Variants in PIBF1 observed in about 807,000 individuals in gnomAD.
PIBF1 encodes the protein progesterone immunomodulatory binding factor 1, also known as progesterone-induced-blocking factor 1.
PIBF1 carries 90 observed loss-of-function variants against 112.5 expected under a neutral mutation model. The observed-to-expected ratio is 0.80, with a 90% confidence interval of 0.67 to 0.95. The LOEUF (loss-of-function observed/expected upper bound fraction) is 0.95. Among genes scored for constraint, PIBF1 ranks in the 40% least tolerant of loss-of-function variants. PIBF1 has a pLI of 0.00. For missense variants in PIBF1, 915 were observed against 852.3 expected, an observed-to-expected ratio of 1.07 and a Z score of -0.92; for synonymous variants, 301 against 288.6, an observed-to-expected ratio of 1.04 and a Z score of -0.44.
chr13:72,802,307 A>T (rs1313813669), intron 5 of PIBF1, among the ~76,000 whole-genome samples: 1 of 152,136 alleles, frequency 6.6e-6, no homozygotes, highest in Non-Finnish European at 1.5e-5. Context: ...GTATTTTAAA[A>T]CCTTCCTGTT....
intron 13 of PIBF1, among the ~76,000 whole-genome samples, chr13:72,925,073 G>A (rs1393386414): frequency 1.3e-5 from 2 of 152,158 alleles, no homozygotes; most frequent in Non-Finnish European, 2.9e-5. Flanking sequence ...AATAAGGTTA[G>A]TTCCAGTGAG....
chr13:72,794,001 C>T (rs1233495298), intron 3 of PIBF1, among the ~76,000 whole-genome samples: 1 of 152,038 alleles, frequency 6.6e-6, no homozygotes, highest in Admixed American at 6.5e-5. Context: ...ATGAATTCCC[C>T]AAGGAGTGCG....
At chr13:72,902,326 C>T (rs983980682) in intron 11 of PIBF1, among the ~76,000 whole-genome samples, 5 of 151,854 alleles carry the variant, frequency 3.3e-5, no homozygotes, top group African/African-American at 1.2e-4. Context: ...TCACAAATTA[C>T]CGCTAAAGAA....
Position 72,827,840 on chromosome 13 carries a change from T to C in PIBF1, c.1023T>C (p.Leu341=). 6.3e-7 allele frequency: 1 copy of C among 1,599,218 alleles called. No individual in the cohort carries two copies. The highest frequency in any genetic ancestry group is 8.5e-7 in the Non-Finnish European group (1 of 1,172,820). The change falls in exon 8 of 18, where the codon CTT becomes CTC. Residue 341 remains leucine (L), a synonymous_variant. Transcript: ENST00000326291. Reference sequence around the variant, plus strand: ...GCTGTGCTCATGAAGAGGATCGCCTTGAAAGACTTCAAGCTCAACTGGAAG... The same window carrying C: ...GCTGTGCTCATGAAGAGGATCGCCTCGAAAGACTTCAAGCTCAACTGGAAG... The part of the protein sequence containing the change: ...SVRCAHEEDR[L]ERLQAQLEES...
At chr13:72,863,186 G>C (rs2038770776) in intron 10 of PIBF1, among the ~76,000 whole-genome samples, 1 of 151,972 alleles carries the variant, frequency 6.6e-6, no homozygotes, top group Admixed American at 6.6e-5. Flanking sequence ...TATAACAAAG[G>C]ACAGACAGCA....
intron 14 of PIBF1, among the ~76,000 whole-genome samples, chr13:72,933,941 T>C (rs562389045): frequency 6.6e-6 from 1 of 152,208 alleles, no homozygotes; most frequent in Non-Finnish European, 1.5e-5. Flanking sequence ...ATGTTAATAA[T>C]GTTTGAAGTT....
chr13:72,991,561 G>A (rs554289357), intron 16 of PIBF1, among the ~76,000 whole-genome samples: 1 of 152,130 alleles, frequency 6.6e-6, no homozygotes, highest in Non-Finnish European at 1.5e-5. Flanking sequence ...AAGCATATCA[G>A]ATTTTATCAG....
intron 9 of PIBF1, among the ~76,000 whole-genome samples, chr13:72,852,815 T>A (rs2038227888): frequency 6.6e-6 from 1 of 152,128 alleles, no homozygotes; most frequent in South Asian, 2.1e-4. Flanking sequence ...TCCAACCCAG[T>A]TTTTCATGAG....
chr13:73,016,366 T>C lies in PIBF1; in HGVS notation c.*447T>C, dbSNP rs757640004. The C allele has an allele frequency of 2.6e-5, 4 of 152,244 alleles. No individual in the cohort carries two copies. Among genetic ancestry groups the C allele is most frequent in the African/African-American group, 9.6e-5 (4 of 41,458 alleles). The allele number at this position is 152,244 out of a possible 1,614,324, so 9.4% of individuals were successfully genotyped here. ...ATACCATGTAGATGGATACAGATTG[T>C]TGACTCTTTTGAAGTTGTTTTTTTC... On this transcript the variant is annotated 3_prime_UTR_variant, in exon 18 of 18. Coordinates refer to ENST00000326291, the MANE Select transcript of PIBF1 (RefSeq NM_006346.4).
At position 72,908,696 on chromosome 13, in the gene PIBF1, AC is replaced by A. The variant is rs555941059; in HGVS notation, c.1639+16del. 177 of 1,596,368 alleles carry A rather than the reference AC, an allele frequency of 1.1e-4. No individual in the cohort carries two copies. In the South Asian group the frequency reaches 1.6e-3, roughly 15 times the overall value. On this transcript the variant is annotated intron_variant, in intron 12 of 17. Coordinates refer to ENST00000326291, the MANE Select transcript of PIBF1 (RefSeq NM_006346.4). ...AACTGCAGAAAGTAAGTCTTCCCCC[AC>A]ACACACATGCACAACTTTTTTTTTT...
At chr13:72,798,271 A>T (rs2035295445) in intron 5 of PIBF1, among the ~76,000 whole-genome samples, 1 of 152,146 alleles carries the variant, frequency 6.6e-6, no homozygotes, top group African/African-American at 2.4e-5. Flanking sequence ...CAATTTTATA[A>T]TCAACTGCTT....
chr13:72,783,050 G>A (rs2034379473), intron 1 of PIBF1, among the ~76,000 whole-genome samples: 1 of 152,034 alleles, frequency 6.6e-6, no homozygotes, highest in African/African-American at 2.4e-5. Context: ...GATTCTAAGT[G>A]CTACCTCTGT....
chr13:72,846,588 A>G (rs1275772201), intron 9 of PIBF1, among the ~76,000 whole-genome samples: 3 of 152,024 alleles, frequency 2.0e-5, no homozygotes, highest in Non-Finnish European at 2.9e-5. Context: ...TCCTATCCTC[A>G]TTTAGGATTT....
At position 72,901,220 on chromosome 13, in the gene PIBF1, AC is replaced by A. The variant is rs547721313; in HGVS notation, c.1488+7272del. The A allele has an allele frequency of 3.7e-3, 905 of 243,504 alleles. 5 individuals carry two copies. The highest frequency in any genetic ancestry group is 3.9e-3 in the Non-Finnish European group (467 of 118,330). The allele number at this position is 243,504 out of a possible 1,614,324, so 15.1% of individuals were successfully genotyped here. On this transcript the variant is annotated intron_variant, in intron 11 of 17. Transcript: ENST00000326291. ...CAGTGAACTCAAATCAGTAAAAAAA[AC>A]AATCCCATCAAAAAGTGGGCTTAGG...
intron 5 of PIBF1, among the ~76,000 whole-genome samples, chr13:72,819,239 T>C (rs2036433322): frequency 6.6e-6 from 1 of 152,128 alleles, no homozygotes; most frequent in African/African-American, 2.4e-5. Flanking sequence ...ATTATTCAAG[T>C]TGTTAATACT....
chr13:72,858,720 TTTAA>T (rs1294593778), intron 10 of PIBF1, among the ~76,000 whole-genome samples: 2 of 152,168 alleles, frequency 1.3e-5, no homozygotes, highest in East Asian at 1.9e-4. Context: ...TTTGTGTGTT[TTTAA>T]TTAAATTTAA....
chr13:72,942,287 A>G (rs997265661), intron 14 of PIBF1, among the ~76,000 whole-genome samples: 11 of 141,298 alleles, frequency 7.8e-5, no homozygotes, highest in Admixed American at 2.2e-4. Flanking sequence ...AAAAAAACCC[A>G]CTGTTTTGTG....
At chr13:72,915,722 T>C (rs2041067319) in intron 12 of PIBF1, among the ~76,000 whole-genome samples, 1 of 152,156 alleles carries the variant, frequency 6.6e-6, no homozygotes, top group Non-Finnish European at 1.5e-5. Flanking sequence ...TCCATGTGTC[T>C]CTCTCAACTA....
chr13:72,929,385 T>C (rs2041634082), intron 13 of PIBF1, among the ~76,000 whole-genome samples: 1 of 152,110 alleles, frequency 6.6e-6, no homozygotes, highest in Admixed American at 6.6e-5. Context: ...TGAAGAACAA[T>C]ATAGTCATAA....
Sources: allele counts gnomAD v4.1 joint callset (sites outside exome capture counted in the v4.1 genomes callset), GRCh38; gene constraint gnomAD v4.1.1; transcripts MANE v1.5; gene names NCBI Gene and HGNC (gene_info 2026-07-23, HGNC 2026-07-21).